The following IL1R2 variants were observed in gnomAD, a reference collection of about 807,000 sequenced individuals.
IL1R2 encodes the protein interleukin-1 receptor type 2.
IL1R2 carries 46 observed loss-of-function variants against 39.5 expected under a neutral mutation model. The ratio of observed to expected loss-of-function variants is 1.16; its 90% CI spans 0.92 to 1.49. The LOEUF is 1.49. Among genes scored for constraint, IL1R2 ranks in the 40% most tolerant of loss-of-function variants. The pLI is 0.00. For missense variants in IL1R2, 537 were observed against 502.0 expected (o/e 1.07, Z -0.67); for synonymous variants, 207 against 189.6 (o/e 1.09, Z -0.75).
chr2:102,000,082 A>C (rs1675776835), intron 1 of IL1R2, among the ~76,000 whole-genome samples: 1 of 152,196 alleles, frequency 6.6e-6, no homozygotes, highest in Non-Finnish European at 1.5e-5. Context: ...AATTCGGCAG[A>C]ATGCAGATGG....
At chr2:102,027,493 T>C (rs956370638) in intron 8 of IL1R2, among the ~76,000 whole-genome samples, 12 of 152,184 alleles carry the variant, frequency 7.9e-5, no homozygotes, top group South Asian at 2.1e-4. Context: ...AGAGGTGTAT[T>C]CAAACAGCTG....
intron 1 of IL1R2, among the ~76,000 whole-genome samples, chr2:102,006,479 C>G (rs1034133273): frequency 2.0e-5 from 3 of 152,140 alleles, no homozygotes; most frequent in Non-Finnish European, 2.9e-5. Context: ...TCCCCACTCA[C>G]GAGGGAGGGT....
intron 3 of IL1R2, chr2:102,010,091 T>C (rs1394424609): frequency 6.2e-6 from 3 of 481,494 alleles, no homozygotes; most frequent in Non-Finnish European, 1.1e-5. Flanking sequence ...ACTCTCTCCT[T>C]ACCCTGCTGT....
chr2:101,995,729 T>G (rs1036644886), intron 1 of IL1R2, among the ~76,000 whole-genome samples: 4 of 152,216 alleles, frequency 2.6e-5, no homozygotes, highest in Non-Finnish European at 4.4e-5. Context: ...TTGCTCATGC[T>G]ACAGCATCGT....
chr2:102,022,393 G>A, intron 6 of IL1R2, 144 bp downstream of exon 6: 1 of 704,330 alleles, frequency 1.4e-6, no homozygotes, highest in Non-Finnish European at 2.6e-6. Flanking sequence ...GAACTCCAGT[G>A]TGTGAGGCTG....
At chr2:102,019,418 T>C (rs747999353) in intron 4 of IL1R2, among the ~76,000 whole-genome samples, 89 of 152,210 alleles carry the variant, frequency 5.8e-4, no homozygotes, top group Non-Finnish European at 1.1e-3. Context: ...CTAACTATTG[T>C]AGTTAACCAA....
In IL1R2 at chr2:102,023,096, G is replaced by T. The variant is rs1268069962; in HGVS notation, c.751+847G>T. ...CATCCTTTTATGTGTTTGTTTCTGG[G>T]TAGTGTTTTTGTAGGTCTGTTACTC... On this transcript the variant is annotated intron_variant, in intron 6 of 8. Coordinates refer to ENST00000332549, the MANE Select transcript of IL1R2 (RefSeq NM_004633.4). Among the ~76,000 whole-genome samples, 3 of 152,324 alleles carry T rather than the reference G, an allele frequency of 2.0e-5. No homozygotes were observed. In the East Asian group the frequency reaches 5.8e-4, roughly 29 times the overall value.
chr2:102,005,640 G>GA (rs1254581586), intron 1 of IL1R2, among the ~76,000 whole-genome samples: 1 of 152,224 alleles, frequency 6.6e-6, no homozygotes, highest in Non-Finnish European at 1.5e-5. Flanking sequence ...CAGGAAGGAA[G>GA]ATTAGTGGAG....
At chr2:102,009,325 A>T (rs1049470024) in intron 2 of IL1R2, among the ~76,000 whole-genome samples, 12 of 152,352 alleles carry the variant, frequency 7.9e-5, no homozygotes, top group Admixed American at 6.5e-4. Flanking sequence ...CATAAGTTGG[A>T]ATGGATAGTA....
chr2:102,013,458 G>C (rs1002509179), intron 3 of IL1R2, among the ~76,000 whole-genome samples: 1 of 126,906 alleles, frequency 7.9e-6, no homozygotes, highest in Admixed American at 9.5e-5. Flanking sequence ...GCCAAGATTT[G>C]AGCAGTAGCT....
At chr2:102,013,554 G>GAAAAAAAAAAAAAAAAAAA (rs1577711343) in intron 3 of IL1R2, among the ~76,000 whole-genome samples, 6 of 31,648 alleles carry the variant, frequency 1.9e-4, no homozygotes, top group South Asian at 1.1e-3. Flanking sequence ...AAAAAAAAAG[G>GAAAAAAAAAAAAAAAAAAA]AAAGAAAGAA....
intron 4 of IL1R2, 80 bp downstream of exon 4, chr2:102,016,131 A>AT: frequency 8.7e-7 from 1 of 1,155,846 alleles, no homozygotes; most frequent in Non-Finnish European, 1.2e-6. Context: ...TAAAATATCG[A>AT]TTTTCTGAAG....
intron 4 of IL1R2, 49 bp downstream of exon 4, chr2:102,016,100 A>G (rs574746597): frequency 1.4e-6 from 2 of 1,437,178 alleles, no homozygotes; most frequent in East Asian, 2.3e-5. Flanking sequence ...TTCTTTTTTT[A>G]CTAGCCATAA....
chr2:102,023,850 A>C (rs1311456135), intron 6 of IL1R2, among the ~76,000 whole-genome samples: 11 of 151,656 alleles, frequency 7.3e-5, no homozygotes, highest in African/African-American at 2.4e-4. Context: ...GATCGAGACC[A>C]TCCTGGCTAA....
At chr2:101,992,716 CAG>C (rs564505708) in intron 1 of IL1R2, among the ~76,000 whole-genome samples, 2 of 150,842 alleles carry the variant, frequency 1.3e-5, no homozygotes, top group African/African-American at 2.4e-5. Flanking sequence ...GACATAGAGA[CAG>C]AGAGAGAAAG....
chr2:102,018,556 T>C (rs145744313), intron 4 of IL1R2, among the ~76,000 whole-genome samples: 48 of 152,366 alleles, frequency 3.2e-4, no homozygotes, highest in Non-Finnish European at 5.1e-4. Context: ...ATGGTGATGC[T>C]TAGTAATATT....
At chr2:102,019,058 C>T (rs1264237341) in intron 4 of IL1R2, among the ~76,000 whole-genome samples, 2 of 152,032 alleles carry the variant, frequency 1.3e-5, no homozygotes, top group Admixed American at 6.6e-5. Flanking sequence ...CCATTCCGCT[C>T]TTTCTATTTC....
intron 1 of IL1R2, among the ~76,000 whole-genome samples, chr2:101,993,249 C>T (rs1199438129): frequency 6.6e-6 from 1 of 152,086 alleles, no homozygotes; most frequent in Admixed American, 6.5e-5. Flanking sequence ...CGGTGTGTCC[C>T]CAGAGGCGAA....
intron 4 of IL1R2, 117 bp downstream of exon 4, chr2:102,016,168 C>A: frequency 1.3e-6 from 1 of 763,746 alleles, no homozygotes; most frequent in Non-Finnish European, 2.1e-6. Flanking sequence ...CACGCACAAA[C>A]ACACACATGG....
Sources: allele counts gnomAD v4.1 joint callset (sites outside exome capture counted in the v4.1 genomes callset), GRCh38; gene constraint gnomAD v4.1.1; transcripts MANE v1.5; gene names NCBI Gene and HGNC (gene_info 2026-07-23, HGNC 2026-07-21).